The following RP1 variants were observed in gnomAD, a reference collection of about 807,000 sequenced individuals.
The protein encoded by RP1 is RP1 axonemal microtubule associated, also known as oxygen-regulated protein 1.
A neutral mutation model predicts 14.8 loss-of-function variants in RP1; 16 were observed. The observed-to-expected ratio is 1.08, with a 90% CI of 0.73 to 1.65. The LOEUF (loss-of-function observed/expected upper bound fraction) is 1.65, where lower values mean the gene tolerates loss of function less well. RP1 is among the 40% of genes most tolerant of loss of function. RP1 has a pLI of 0.00. For synonymous variants in RP1, 876 were observed against 883.6 expected (o/e 0.99, Z 0.15); for missense variants, 2,631 against 2,535.0 (o/e 1.04, Z -0.81).
At chr8:54,682,269 C>G (rs757924111) in intron 12 of RP1, among the ~76,000 whole-genome samples, 1 of 145,668 alleles carries the variant, frequency 6.9e-6, no homozygotes, top group African/African-American at 2.5e-5. Flanking sequence ...ACTTTAAGTT[C>G]TGGGATACAT....
At chr8:54,748,030 T>C (rs1243800370) in intron 19 of RP1, among the ~76,000 whole-genome samples, 2 of 152,254 alleles carry the variant, frequency 1.3e-5, no homozygotes, top group Non-Finnish European at 2.9e-5. Flanking sequence ...TTGATTCTTC[T>C]AAGTCTTTGA....
At chr8:54,676,145 T>C (rs568476705) in intron 8 of RP1, among the ~76,000 whole-genome samples, 1 of 152,272 alleles carries the variant, frequency 6.6e-6, no homozygotes, top group South Asian at 2.1e-4. Flanking sequence ...AGATGAATTT[T>C]AGGGGGACAA....
chr8:54,696,563 C>T (rs1489927335), intron 12 of RP1: 11 of 732,702 alleles, frequency 1.5e-5, no homozygotes, highest in Admixed American at 1.3e-4. Context: ...GGAATTATTC[C>T]TACATGACTC....
At chr8:54,827,894 G>A (rs1342276958) in intron 24 of RP1, among the ~76,000 whole-genome samples, 4 of 133,542 alleles carry the variant, frequency 3.0e-5, no homozygotes, top group African/African-American at 1.1e-4. Flanking sequence ...GCAAAACTAC[G>A]TCTCAAAAAA....
chr8:54,713,934 G>C (rs138760013), intron 15 of RP1, among the ~76,000 whole-genome samples: 2 of 152,162 alleles, frequency 1.3e-5, no homozygotes, highest in Non-Finnish European at 2.9e-5. Flanking sequence ...AAAATCTGAC[G>C]TAGGAAAATT....
intron 19 of RP1, among the ~76,000 whole-genome samples, chr8:54,741,750 T>TATATA (rs1809104096): frequency 1.5e-5 from 2 of 137,646 alleles, no homozygotes; most frequent in Non-Finnish European, 3.2e-5. Flanking sequence ...TATATATATA[T>TATATA]GTTTATATGT....
At chr8:54,739,167 C>T (rs1226058504) in intron 19 of RP1, 15 of 472,838 alleles carry the variant, frequency 3.2e-5, no homozygotes. Flanking sequence ...CCTCTGTAAA[C>T]TCATGGTAAA....
chr8:54,604,792 T>C (rs1461589519), intron 1 of RP1, among the ~76,000 whole-genome samples: 2 of 152,234 alleles, frequency 1.3e-5, no homozygotes, highest in African/African-American at 2.4e-5. Context: ...GCGGAATTTA[T>C]CCATTTCTTC....
At chr8:54,807,914 C>G (rs1810897295) in intron 24 of RP1, among the ~76,000 whole-genome samples, 1 of 151,834 alleles carries the variant, frequency 6.6e-6, no homozygotes, top group Admixed American at 6.6e-5. Context: ...TTGATGAGAC[C>G]CGTCCACATT....
chr8:54,619,306 A>C lies in RP1; in HGVS notation c.-12-1649A>C, dbSNP rs548938202. 3.3e-5 allele frequency among the ~76,000 whole-genome samples: 5 copies of C among 152,212 alleles called. No homozygotes were observed. In the South Asian group the frequency reaches 1.0e-3, roughly 32 times the overall value. On this transcript the variant is annotated intron_variant, in intron 1 of 3. Transcript: ENST00000220676. ...TGGAGATATATGAAGAATCTTGGAC[A>C]ACAGCTTGCAAACATTTAAGTAGAT...
chr8:54,812,985 A>G (rs547107821), intron 24 of RP1, among the ~76,000 whole-genome samples: 2 of 152,204 alleles, frequency 1.3e-5, no homozygotes, highest in African/African-American at 4.8e-5. Flanking sequence ...ATTGGTATTA[A>G]CACTTCTGTG....
At chr8:54,606,710 A>G (rs1033137779) in intron 1 of RP1, among the ~76,000 whole-genome samples, 2 of 152,158 alleles carry the variant, frequency 1.3e-5, no homozygotes, top group African/African-American at 4.8e-5. Context: ...CTTTTCACAT[A>G]GTCCCATATT....
rs143110582 is a variant in RP1, at chr8:54,567,860, G to C, written c.-13+8540G>C. Among the ~76,000 whole-genome samples the C allele has an allele frequency of 6.0e-3, 908 of 152,284 alleles. 12 individuals carry two copies. The highest frequency in any genetic ancestry group is 0.031 in the East Asian group (161 of 5,186). ...GTGTGTTGTGGTTAGGGGAGGTAGAGGGGGATTTGTCTGTAGCCTAATGCT... is the reference window on the plus strand; with the variant it reads ...GTGTGTTGTGGTTAGGGGAGGTAGACGGGGATTTGTCTGTAGCCTAATGCT... On this transcript the variant is annotated intron_variant, in intron 1 of 22. Coordinates refer to the RP1 transcript ENST00000636932.
intron 22 of RP1, among the ~76,000 whole-genome samples, chr8:54,763,776 A>T (rs186368594): frequency 6.6e-6 from 1 of 152,372 alleles, no homozygotes; most frequent in Admixed American, 6.5e-5. Flanking sequence ...TTGTAGTCAG[A>T]TAGGTGGAGT....
At chr8:54,585,889 G>T (rs1475510559) in intron 1 of RP1, among the ~76,000 whole-genome samples, 1 of 152,098 alleles carries the variant, frequency 6.6e-6, no homozygotes, top group African/African-American at 2.4e-5. Context: ...ATTCTAGTTA[G>T]CCATTCGTCT....
At chr8:54,838,120 A>G (rs1014923506) in intron 25 of RP1, among the ~76,000 whole-genome samples, 7 of 152,242 alleles carry the variant, frequency 4.6e-5, no homozygotes, top group Admixed American at 4.6e-4. Flanking sequence ...AGGTGACAAT[A>G]TATATCCAAG....
rs145543595 is a variant in RP1, at chr8:54,763,988, C to T, written c.3248+4912C>T. ...AGAAAAGAAGACTTTAAAAGCTTTC[C>T]ACTATGGCTAGAATAGACTATCAGC... On this transcript the variant is annotated intron_variant, in intron 22 of 22. Coordinates refer to the RP1 transcript ENST00000636932. Among the ~76,000 whole-genome samples the T allele has an allele frequency of 3.9e-5, 6 of 152,256 alleles. No individual in the cohort carries two copies. In the East Asian group the frequency reaches 9.6e-4, roughly 24 times the overall value.
At chr8:54,583,960 T>A (rs1804857024) in intron 1 of RP1, among the ~76,000 whole-genome samples, 1 of 152,200 alleles carries the variant, frequency 6.6e-6, no homozygotes, top group Non-Finnish European at 1.5e-5. Flanking sequence ...AGCTCCTGGA[T>A]TCATTGATTT....
intron 18 of RP1, chr8:54,738,831 G>A (rs1456757993): frequency 6.9e-6 from 4 of 577,602 alleles, no homozygotes; most frequent in Non-Finnish European, 1.1e-5. Flanking sequence ...GTTCCTGAGA[G>A]CTTTTTAACT....
Sources: allele counts gnomAD v4.1 joint callset (sites outside exome capture counted in the v4.1 genomes callset), GRCh38; gene constraint gnomAD v4.1.1; transcripts MANE v1.5; gene names NCBI Gene and HGNC (gene_info 2026-07-23, HGNC 2026-07-21).